Variants in MECOM observed in about 807,000 individuals in gnomAD.
The protein encoded by MECOM is MDS1 and EVI1 complex locus, also known as histone-lysine N-methyltransferase MECOM.
In MECOM, 13 loss-of-function variants were observed where a neutral mutation model predicts 116.3. That is an observed-to-expected ratio of 0.11 (90% CI 0.07 to 0.18). The LOEUF is 0.18. Among genes scored for constraint, MECOM ranks in the 10% least tolerant of loss-of-function variants. The probability of loss-of-function intolerance (pLI) is 1.00; values close to 1 mark genes in which losing one functional copy is unlikely to be tolerated. For synonymous variants in MECOM, 528 were observed against 535.2 expected, an observed-to-expected ratio of 0.99 and a Z score of 0.19; for missense variants, 1,299 against 1,509.0, an observed-to-expected ratio of 0.86 and a Z score of 2.31.
intron 2 of MECOM, among the ~76,000 whole-genome samples, chr3:169,256,398 C>T (rs1577485717): frequency 6.6e-6 from 1 of 150,766 alleles, no homozygotes; most frequent in African/African-American, 2.4e-5. Flanking sequence ...AAATACATTG[C>T]CTGCTCTACT....
At chr3:169,473,899 TATAGATAG>T (rs3042766) in intron 1 of MECOM, among the ~76,000 whole-genome samples, 20,860 of 151,948 alleles carry the variant, frequency 0.14, 1,921 homozygotes, top group African/African-American at 0.24. Context: ...TCATTATATC[TATAGATAG>T]ATAGATAGAT....
At chr3:169,565,632 C>G (rs1218217879) in intron 1 of MECOM, among the ~76,000 whole-genome samples, 3 of 152,184 alleles carry the variant, frequency 2.0e-5, no homozygotes, top group Admixed American at 2.0e-4. Context: ...TCCCAGCTTC[C>G]CACTGACAAT....
Position 169,565,392 on chromosome 3 carries a change from C to T in MECOM, c.37+97944G>A, listed in dbSNP as rs900623492. 3.3e-5 allele frequency among the ~76,000 whole-genome samples: 5 copies of T among 152,188 alleles called. No homozygotes were observed. The East Asian group carries it at 7.7e-4, about 23-fold the overall frequency. ...GGTGAACCAAGTAACTTCACCCGGGCTTTCCTCGGATCCACTGCCCCCTCC... is the reference window on the plus strand; with the variant it reads ...GGTGAACCAAGTAACTTCACCCGGGTTTTCCTCGGATCCACTGCCCCCTCC... On this transcript the variant is annotated intron_variant, in intron 1 of 16. Transcript: ENST00000651503.
chr3:169,623,792 A>G (rs1771031589), intron 1 of MECOM: 1 of 151,584 alleles, frequency 6.6e-6, no homozygotes, highest in Non-Finnish European at 1.5e-5. Context: ...GCTGTCTCCT[A>G]AAACACACAC....
chr3:169,434,956 AGAG>A (rs1376818445), intron 1 of MECOM, among the ~76,000 whole-genome samples: 1 of 152,206 alleles, frequency 6.6e-6, no homozygotes, highest in Non-Finnish European at 1.5e-5. Flanking sequence ...GGCTATGAAA[AGAG>A]GAATGTATTC....
intron 2 of MECOM, chr3:169,146,134 A>T: frequency 1.4e-6 from 1 of 721,652 alleles, no homozygotes; most frequent in Non-Finnish European, 1.8e-6. Context: ...TCAACCTCCA[A>T]AGATAGCTTA....
At chr3:169,129,468 C>A (rs1733977966) in intron 4 of MECOM, among the ~76,000 whole-genome samples, 1 of 151,814 alleles carries the variant, frequency 6.6e-6, no homozygotes, top group South Asian at 2.1e-4. Flanking sequence ...TGAGACACTG[C>A]TGCAGAAATC....
At chr3:169,389,643 G>A (rs1440079632) in intron 1 of MECOM, 26 of 952,400 alleles carry the variant, frequency 2.7e-5, no homozygotes, top group Admixed American at 6.2e-5. Context: ...AAGTAGAACC[G>A]TCCTGAATTC....
chr3:169,460,123 T>A, intron 1 of MECOM, among the ~76,000 whole-genome samples: 1 of 152,024 alleles, frequency 6.6e-6, no homozygotes, highest in Non-Finnish European at 1.5e-5. Flanking sequence ...GATCTCAGAC[T>A]CCCACGTCCT....
chr3:169,619,215 G>C (rs947288175), intron 1 of MECOM, among the ~76,000 whole-genome samples: 1 of 152,162 alleles, frequency 6.6e-6, no homozygotes, highest in African/African-American at 2.4e-5. Context: ...CGGGTGCACC[G>C]GCCGCAGCGC....
intron 1 of MECOM, among the ~76,000 whole-genome samples, chr3:169,547,565 A>C (rs958537512): frequency 6.6e-6 from 1 of 152,160 alleles, no homozygotes; most frequent in African/African-American, 2.4e-5. Context: ...AAGTTATTTA[A>C]TAGCTTTGAC....
chr3:169,243,594 T>C (rs983020001), intron 2 of MECOM, among the ~76,000 whole-genome samples: 1 of 152,178 alleles, frequency 6.6e-6, no homozygotes, highest in Non-Finnish European at 1.5e-5. Flanking sequence ...CCCCGTCTGA[T>C]TGAATAAACT....
intron 2 of MECOM, among the ~76,000 whole-genome samples, chr3:169,369,336 T>C (rs542688604): frequency 6.6e-5 from 9 of 136,762 alleles, no homozygotes; most frequent in African/African-American, 2.5e-4. Context: ...TAAACTTGAT[T>C]GCAGCCTTTT....
intron 1 of MECOM, 65 bp downstream of exon 1, chr3:169,663,271 A>C: frequency 2.5e-5 from 38 of 1,544,782 alleles, no homozygotes; most frequent in Non-Finnish European, 3.3e-5. Context: ...CCGGAGCGCT[A>C]GAGACAGATA....
intron 9 of MECOM, among the ~76,000 whole-genome samples, chr3:169,108,676 T>C (rs1726274307): frequency 1.3e-5 from 2 of 152,206 alleles, no homozygotes; most frequent in Non-Finnish European, 1.5e-5. Context: ...GGAATATATG[T>C]AGTTTTTAAA....
chr3:169,242,773 C>A (rs944252629), intron 2 of MECOM, among the ~76,000 whole-genome samples: 7 of 151,914 alleles, frequency 4.6e-5, no homozygotes, highest in African/African-American at 1.7e-4. Context: ...TTTCCTTGTG[C>A]TATCATTTAT....
At chr3:169,371,690 A>G (rs1730167495) in intron 2 of MECOM, among the ~76,000 whole-genome samples, 1 of 152,014 alleles carries the variant, frequency 6.6e-6, no homozygotes, top group South Asian at 2.1e-4. Flanking sequence ...GCCAAAAAAT[A>G]AAAAATAAAA....
Position 169,424,354 on chromosome 3 carries a change from G to T in MECOM, c.38-42830C>A, listed in dbSNP as rs114233932. 5.8e-3 allele frequency among the ~76,000 whole-genome samples: 889 copies of T among 152,226 alleles called. 5 individuals are homozygous for T. Among genetic ancestry groups the T allele is most frequent in the South Asian group, 0.017 (80 of 4,824 alleles). ...GCTAAACCCTGCAACTGATTTTATGGTAGTAAAACTTCAGGGAAGCTTTCA... is the reference window on the plus strand; with the variant it reads ...GCTAAACCCTGCAACTGATTTTATGTTAGTAAAACTTCAGGGAAGCTTTCA... On this transcript the variant is annotated intron_variant, in intron 1 of 16. Coordinates refer to ENST00000651503, the MANE Select transcript of MECOM (RefSeq NM_004991.4).
At chr3:169,548,488 G>A (rs1218747442) in intron 1 of MECOM, among the ~76,000 whole-genome samples, 1 of 152,150 alleles carries the variant, frequency 6.6e-6, no homozygotes, top group Non-Finnish European at 1.5e-5. Context: ...TCAGTTTCTT[G>A]GAACACAAGC....
Sources: allele counts gnomAD v4.1 joint callset (sites outside exome capture counted in the v4.1 genomes callset), GRCh38; gene constraint gnomAD v4.1.1; transcripts MANE v1.5; gene names NCBI Gene and HGNC (gene_info 2026-07-23, HGNC 2026-07-21).